RPTOR: variants seen among roughly 807,000 people sequenced by gnomAD.
The protein encoded by RPTOR is regulatory associated protein of MTOR complex 1, also known as regulatory-associated protein of mTOR.
In RPTOR, 21 loss-of-function variants were observed where a neutral mutation model predicts 169.9. The ratio of observed to expected loss-of-function variants is 0.12; its 90% confidence interval spans 0.09 to 0.18. The LOEUF (loss-of-function observed/expected upper bound fraction) is 0.18. Among genes scored for constraint, RPTOR ranks in the 10% least tolerant of loss-of-function variants. RPTOR has a pLI of 1.00. For missense variants in RPTOR, 1,133 were observed against 1,855.9 expected (o/e 0.61, Z 7.16); for synonymous variants, 732 against 753.2 (o/e 0.97, Z 0.46).
At chr17:80,790,309 T>A (rs1468590058) in intron 6 of RPTOR, among the ~76,000 whole-genome samples, 1 of 152,218 alleles carries the variant, frequency 6.6e-6, no homozygotes, top group African/African-American at 2.4e-5. Flanking sequence ...ACCAAGAATA[T>A]AACTTCCTCT....
intron 7 of RPTOR, among the ~76,000 whole-genome samples, chr17:80,798,987 C>T (rs1487171030): frequency 6.6e-6 from 1 of 152,142 alleles, no homozygotes; most frequent in Non-Finnish European, 1.5e-5. Context: ...ACACAGTCAT[C>T]CATCACGTTC....
intron 6 of RPTOR, among the ~76,000 whole-genome samples, chr17:80,760,336 C>A (rs1298672391): frequency 7.6e-6 from 1 of 131,484 alleles, no homozygotes; most frequent in African/African-American, 2.8e-5. Context: ...CCGAGTCTCA[C>A]TGTTGCCCAG....
chr17:80,906,165 C>T (rs1214764585), intron 20 of RPTOR, among the ~76,000 whole-genome samples: 1 of 151,860 alleles, frequency 6.6e-6, no homozygotes, highest in Non-Finnish European at 1.5e-5. Flanking sequence ...CAGGGCCTGT[C>T]GCGGGAGGGA....
intron 3 of RPTOR, among the ~76,000 whole-genome samples, chr17:80,684,472 C>A (rs1331702361): frequency 4.0e-5 from 6 of 151,114 alleles, no homozygotes; most frequent in Non-Finnish European, 8.8e-5. Flanking sequence ...GAGGCATAGT[C>A]TCGCTCTGCC....
At chr17:80,704,717 AGTGT>A (rs2066129374) in intron 3 of RPTOR, among the ~76,000 whole-genome samples, 2 of 152,292 alleles carry the variant, frequency 1.3e-5, no homozygotes, top group East Asian at 3.9e-4. Flanking sequence ...CTGGTAACTG[AGTGT>A]GTTGTAATGC....
intron 24 of RPTOR, among the ~76,000 whole-genome samples, chr17:80,925,971 GCT>G (rs763504288): frequency 6.6e-6 from 1 of 152,252 alleles, no homozygotes; most frequent in Non-Finnish European, 1.5e-5. Context: ...CAGGGCGGCG[GCT>G]CTCGGCCTCT....
At chr17:80,801,185 C>T (rs1000960327) in intron 7 of RPTOR, among the ~76,000 whole-genome samples, 6 of 152,196 alleles carry the variant, frequency 3.9e-5, no homozygotes, top group Non-Finnish European at 7.3e-5. Context: ...CGTGGCTATC[C>T]GTGCTTCCTG....
At chr17:80,678,646 C>T (rs377366995) in intron 3 of RPTOR, among the ~76,000 whole-genome samples, 2 of 152,198 alleles carry the variant, frequency 1.3e-5, no homozygotes, top group Admixed American at 1.3e-4. Flanking sequence ...GCCAGAGCAA[C>T]GCCTGACTCA....
chr17:80,806,222 CCAGTA>C (rs1396858045), intron 7 of RPTOR, among the ~76,000 whole-genome samples: 4 of 152,154 alleles, frequency 2.6e-5, no homozygotes, highest in Admixed American at 1.3e-4. Context: ...TAACCCTGAG[CCAGTA>C]TATCCTCCTG....
intron 21 of RPTOR, among the ~76,000 whole-genome samples, chr17:80,919,145 G>C (rs149856037): frequency 6.6e-6 from 1 of 152,322 alleles, no homozygotes; most frequent in South Asian, 2.1e-4. Flanking sequence ...CTTGTTAAGA[G>C]TCACCACGTT....
At chr17:80,921,897 A>G (rs1482598444) in intron 21 of RPTOR, among the ~76,000 whole-genome samples, 1 of 152,172 alleles carries the variant, frequency 6.6e-6, no homozygotes, top group Non-Finnish European at 1.5e-5. Flanking sequence ...TTCCCCGTCC[A>G]TGCAGTGCAC....
intron 28 of RPTOR, among the ~76,000 whole-genome samples, chr17:80,951,978 C>T (rs1468025): frequency 0.16 from 23,603 of 152,256 alleles, 4,888 homozygotes; most frequent in African/African-American, 0.48. Flanking sequence ...CACAGACACA[C>T]GTGCAGGGAC....
intron 4 of RPTOR, among the ~76,000 whole-genome samples, chr17:80,729,680 T>G (rs1390120809): frequency 6.6e-6 from 1 of 152,188 alleles, no homozygotes. Flanking sequence ...TCTCTGAAAT[T>G]AAAGGGACAG....
chr17:80,637,135 G>A (rs2065513998), intron 2 of RPTOR, among the ~76,000 whole-genome samples: 1 of 152,272 alleles, frequency 6.6e-6, no homozygotes, highest in Admixed American at 6.5e-5. Context: ...ATGTCAGAGG[G>A]GTCTGAGAAG....
chr17:80,925,402 C>G lies in RPTOR; in HGVS notation c.2841C>G (p.His947Gln). 1 of 1,613,760 alleles carries G rather than the reference C, an allele frequency of 6.2e-7. No individual in the cohort carries two copies. The highest frequency in any genetic ancestry group is 2.2e-5 in the East Asian group (1 of 44,888). ...ACGACGCGGACGATGCTGCTGGACA[C>G]AAAAGTTTCATCTCCGCCACGGTGC... The part of the protein sequence containing the change: ...TADDADDAAG[H>Q]KSFISATVQT... Residue 947 changes from histidine to glutamine, a missense_variant, in exon 24 of 34, where the codon CAC becomes CAG. His to Gln is a conservative substitution (Grantham distance 24). Around this residue, in one of 9 missense-constraint regions of RPTOR, gnomAD observed 410 missense variants for 623.7 expected, o/e 0.66. Coordinates refer to ENST00000306801, the MANE Select transcript of RPTOR (RefSeq NM_020761.3).
rs1555643083 is a variant in RPTOR at position 80,966,126 on chromosome 17, C to CCT, written c.*1796_*1797insCT. On this transcript the variant is annotated 3_prime_UTR_variant, in exon 34 of 34. Transcript: ENST00000306801. ...CTCCAGAGGGGTCAAGACCCCCCCC[C>CCT]GCCCCCGCTCCACCCTGGAGCCCAC... The CCT allele has an allele frequency of 3.6e-5, 8 of 221,478 alleles. No homozygotes were observed. Among genetic ancestry groups the CCT allele is most frequent in the Middle Eastern group, 1.3e-3 (1 of 748 alleles). 13.7% of individuals were successfully genotyped at this position (221,478 alleles called of 1,614,324 possible).
intron 11 of RPTOR, among the ~76,000 whole-genome samples, chr17:80,848,299 G>A (rs993385939): frequency 2.0e-5 from 3 of 152,212 alleles, no homozygotes; most frequent in African/African-American, 7.2e-5. Flanking sequence ...AAATAACATT[G>A]TACCACATTT....
At chr17:80,675,344 A>G (rs754242994) in intron 3 of RPTOR, among the ~76,000 whole-genome samples, 6 of 152,158 alleles carry the variant, frequency 3.9e-5, no homozygotes, top group Non-Finnish European at 5.9e-5. Context: ...AGGACTATGA[A>G]GTTTGCTTCT....
Position 80,846,437 on chromosome 17 carries a change from T to G in RPTOR, c.1213-36T>G, listed in dbSNP as rs781526703. 2.5e-6 allele frequency: 4 copies of G among 1,598,552 alleles called. No homozygotes were observed. In the South Asian group the frequency reaches 4.4e-5, roughly 18 times the overall value. Reference sequence around the variant, plus strand: ...GGCAAGACCAGGCCATCTGGGAACATGGCCCTAACAAGCACCTGTTCTGCT... The same window carrying G: ...GGCAAGACCAGGCCATCTGGGAACAGGGCCCTAACAAGCACCTGTTCTGCT... On this transcript the variant is annotated intron_variant, in intron 10 of 33. Transcript: ENST00000306801.
Sources: allele counts gnomAD v4.1 joint callset (sites outside exome capture counted in the v4.1 genomes callset), GRCh38; gene constraint gnomAD v4.1.1; regional missense constraint gnomAD v4.1.1; transcripts MANE v1.5; gene names NCBI Gene and HGNC (gene_info 2026-07-23, HGNC 2026-07-21).